The following PIEZO2 variants were observed in gnomAD, a reference collection of about 807,000 sequenced individuals.
PIEZO2 encodes piezo type mechanosensitive ion channel component 2.
PIEZO2 carries 172 observed loss-of-function variants against 337.3 expected under a neutral mutation model. The ratio of observed to expected loss-of-function variants is 0.51; its 90% confidence interval spans 0.45 to 0.58. The LOEUF (loss-of-function observed/expected upper bound fraction) is 0.58, where lower values mean the gene tolerates loss of function less well. Among genes scored for constraint, PIEZO2 ranks in the 20% least tolerant of loss-of-function variants. PIEZO2 has a pLI of 0.00. For missense variants in PIEZO2, 3,028 were observed against 3,391.3 expected, an observed-to-expected ratio of 0.89 and a Z score of 2.66; for synonymous variants, 1,251 against 1,228.5, an observed-to-expected ratio of 1.02 and a Z score of -0.38.
chr18:10,905,087 T>C (rs1164644453), intron 4 of PIEZO2, among the ~76,000 whole-genome samples: 1 of 152,242 alleles, frequency 6.6e-6, no homozygotes, highest in African/African-American at 2.4e-5. Context: ...TCCCCGATTA[T>C]AAACTACTTT....
chr18:10,905,808 C>T (rs2043161859), intron 4 of PIEZO2, among the ~76,000 whole-genome samples: 1 of 152,070 alleles, frequency 6.6e-6, no homozygotes, highest in Non-Finnish European at 1.5e-5. Flanking sequence ...CTCCAATTTC[C>T]CTATTAAGAA....
chr18:10,741,136 T>G, intron 32 of PIEZO2, 34 bp from the exon 33 acceptor site: 1 of 1,498,212 alleles, frequency 6.7e-7, no homozygotes, highest in South Asian at 1.3e-5. Flanking sequence ...TTAATTCGTA[T>G]AAAGTGAGAA....
intron 2 of PIEZO2, among the ~76,000 whole-genome samples, chr18:10,998,615 A>C (rs2035419554): frequency 6.6e-6 from 1 of 152,098 alleles, no homozygotes; most frequent in South Asian, 2.1e-4. Flanking sequence ...CTCCAAAATT[A>C]TTTCCAAAAG....
At chr18:10,842,602 T>A (rs2041231680) in intron 7 of PIEZO2, among the ~76,000 whole-genome samples, 1 of 152,216 alleles carries the variant, frequency 6.6e-6, no homozygotes, top group Non-Finnish European at 1.5e-5. Context: ...CAGGAGCAGA[T>A]GCTGGCGCCA....
Position 11,148,442 on chromosome 18 carries a change from G to A in PIEZO2, c.64+83C>T, listed in dbSNP as rs1312971787. ...CCGAATCGAACCCCAGAGCACCAGA[G>A]CCCTTCACTTTGTTAAGAAGTCCCC... On this transcript the variant is annotated intron_variant, in intron 1 of 55. Transcript: ENST00000674853. The surrounding 1 kb of genome is among the most constrained non-coding windows in gnomAD (Gnocchi z 5.2). 16 of 1,436,250 alleles carry A rather than the reference G, an allele frequency of 1.1e-5. No homozygotes were observed. Among genetic ancestry groups the A allele is most frequent in the Non-Finnish European group, 1.2e-5 (13 of 1,056,212 alleles). The allele number at this position is 1,436,250 out of a possible 1,614,324, so 89.0% of individuals were successfully genotyped here. A position where few individuals can be genotyped will look rare whatever the true frequency, so the allele number is the denominator to read the frequency against.
At chr18:10,738,212 A>C (rs553310295) in intron 33 of PIEZO2, 8 of 152,252 alleles carry the variant, frequency 5.3e-5, no homozygotes, top group Admixed American at 3.9e-4. Context: ...ATGCCTTCAC[A>C]TAAGCCGAGA....
At position 10,699,113 on chromosome 18, in the gene PIEZO2, T is replaced by C. The variant is rs543742006; in HGVS notation, c.6506A>G (p.Asp2169Gly). The C allele has an allele frequency of 8.5e-6, 13 of 1,537,226 alleles. No homozygotes were observed. In the African/African-American group the frequency reaches 1.6e-4, roughly 19 times the overall value. ...ESGMAREESD[D>G]ELSLGHGRRD... Reference sequence around the variant, plus strand: ...CCTGCCATGACCGAGGGAGAGCTCATCATCTGATTCCTCCCTGGCCATGCC... The same window carrying C: ...CCTGCCATGACCGAGGGAGAGCTCACCATCTGATTCCTCCCTGGCCATGCC... Residue 2169 changes from aspartate to glycine, a missense_variant, in exon 44 of 56, where the codon GAT becomes GGT. By Grantham distance (94) the Asp-to-Gly change is moderately conservative (BLOSUM62 -1). Around this residue, in one of 5 missense-constraint regions of PIEZO2, gnomAD observed 1,925 missense variants for 2,051.9 expected, o/e 0.94. Coordinates refer to ENST00000674853, the MANE Select transcript of PIEZO2 (RefSeq NM_001378183.1).
At chr18:11,029,651 A>T (rs1276185649) in intron 2 of PIEZO2, among the ~76,000 whole-genome samples, 1 of 151,760 alleles carries the variant, frequency 6.6e-6, no homozygotes, top group East Asian at 1.9e-4. Context: ...CTGCTGGGGT[A>T]GTTCTTTCTT....
chr18:11,034,946 T>C (rs1299391366), intron 2 of PIEZO2, among the ~76,000 whole-genome samples: 1 of 152,242 alleles, frequency 6.6e-6, no homozygotes, highest in Admixed American at 6.5e-5. Flanking sequence ...AGATCCCAAC[T>C]TCCTGACTGC....
At chr18:10,730,327 T>G (rs1393316872) in intron 36 of PIEZO2, among the ~76,000 whole-genome samples, 1 of 152,230 alleles carries the variant, frequency 6.6e-6, no homozygotes, top group Non-Finnish European at 1.5e-5. Context: ...GTCAGAATAT[T>G]TCATTTGTAT....
At chr18:10,744,039 T>C (rs1336299305) in intron 31 of PIEZO2, 103 bp downstream of exon 31, 3 of 743,294 alleles carry the variant, frequency 4.0e-6, no homozygotes, top group African/African-American at 3.6e-5. Flanking sequence ...TCCATACATA[T>C]ATATTTTTCA....
chr18:11,006,596 C>T lies in PIEZO2; in HGVS notation c.161-26936G>A, dbSNP rs372934484. On this transcript the variant is annotated intron_variant, in intron 2 of 55. Transcript: ENST00000674853. ...TCTATTAGCTTTCCATTTACCCTCC[C>T]GCATCTGCTATGAAACACAGCAGCC... Among the ~76,000 whole-genome samples, 20 of 152,256 alleles carry T rather than the reference C, an allele frequency of 1.3e-4. No individual in the cohort carries two copies. The South Asian group carries it at 2.5e-3, about 19-fold the overall frequency.
rs1391094341 is a variant in PIEZO2, at chr18:10,696,301, C to A, written c.6976-13G>T. On this transcript the variant is annotated splice_polypyrimidine_tract_variant and intron_variant, in intron 46 of 55. Coordinates refer to ENST00000674853, the MANE Select transcript of PIEZO2 (RefSeq NM_001378183.1). Reference sequence around the variant, plus strand: ...CTGCTGAGTGTTTCTGGGGAAGAGACAACAAATTCATGCCCAAGAGAGGCA... The same window carrying A: ...CTGCTGAGTGTTTCTGGGGAAGAGAAAACAAATTCATGCCCAAGAGAGGCA... The A allele has an allele frequency of 6.2e-7, 1 of 1,613,946 alleles. No homozygotes were observed. The highest frequency in any genetic ancestry group is 1.1e-5 in the South Asian group (1 of 91,076).
intron 7 of PIEZO2, among the ~76,000 whole-genome samples, chr18:10,832,948 G>A (rs997379207): frequency 1.3e-5 from 2 of 152,142 alleles, no homozygotes; most frequent in African/African-American, 4.8e-5. Context: ...CCACGTTTCC[G>A]CCTCCCTGCC....
intron 39 of PIEZO2, among the ~76,000 whole-genome samples, chr18:10,708,764 C>A (rs771401842): frequency 5.9e-5 from 9 of 152,146 alleles, no homozygotes; most frequent in African/African-American, 1.4e-4. Flanking sequence ...ATTATAACTT[C>A]GTAACAGAGG....
intron 2 of PIEZO2, among the ~76,000 whole-genome samples, chr18:11,024,920 T>C (rs898046246): frequency 5.9e-5 from 9 of 151,718 alleles, no homozygotes; most frequent in South Asian, 2.1e-4. Context: ...AATACAGGCA[T>C]GAGCCACCGT....
Position 10,773,619 on chromosome 18 carries a change from G to T in PIEZO2, c.2578C>A (p.Pro860Thr). ...GTGAGGTCCGGGAGGCTTCCTTCCG[G>T]GTGGGCCAGTCTGTTGGCAGAGAGC... ...LPIHQNELAH[P>T]EGSLPDLTMM... The change falls in exon 20 of 56, where the codon CCG becomes ACG. Residue 860 changes from proline to threonine, a missense_variant. Pro to Thr is a conservative substitution (Grantham distance 38). Coordinates refer to ENST00000674853, the MANE Select transcript of PIEZO2 (RefSeq NM_001378183.1). The surrounding 1 kb of genome is among the most constrained non-coding windows in gnomAD (Gnocchi z 5.3). 1 of 1,537,262 alleles carries T rather than the reference G, an allele frequency of 6.5e-7. No individual in the cohort carries two copies. Among genetic ancestry groups the T allele is most frequent in the Non-Finnish European group, 8.7e-7 (1 of 1,146,916 alleles).
intron 3 of PIEZO2, among the ~76,000 whole-genome samples, chr18:10,926,148 A>G (rs1479490340): frequency 2.0e-5 from 3 of 152,188 alleles, no homozygotes; most frequent in Admixed American, 2.0e-4. Flanking sequence ...GACTTGAGTC[A>G]GGGTGCAGGA....
At chr18:10,806,835 T>C (rs948540747) in intron 8 of PIEZO2, among the ~76,000 whole-genome samples, 3 of 152,240 alleles carry the variant, frequency 2.0e-5, no homozygotes, top group African/African-American at 4.8e-5. Context: ...TGACATGGCA[T>C]ATTACAGTAA....
Sources: gnomAD v4.1 joint callset for allele counts (sites outside exome capture counted in the v4.1 genomes callset) on GRCh38, gnomAD v4.1.1 for gene constraint, gnomAD v4.1.1 regional missense constraint, Gnocchi (gnomAD v3.1) non-coding constraint, MANE v1.5 for transcripts, NCBI Gene and HGNC (gene_info 2026-07-23, HGNC 2026-07-21) for gene names.